The following ADAMTS20 variants were observed in gnomAD, a reference collection of about 807,000 sequenced individuals.
ADAMTS20 encodes A disintegrin and metalloproteinase with thrombospondin motifs 20.
In ADAMTS20, 225 loss-of-function variants were observed where a neutral mutation model predicts 260.1. That is an observed-to-expected ratio of 0.87 (90% confidence interval 0.78 to 0.97). ADAMTS20 has a LOEUF of 0.97. Among genes scored for constraint, ADAMTS20 ranks in the 50% least tolerant of loss-of-function variants. The pLI is 0.00. For missense variants in ADAMTS20, 2,400 were observed against 2,337.7 expected, an observed-to-expected ratio of 1.03 and a Z score of -0.55; for synonymous variants, 802 against 769.5, an observed-to-expected ratio of 1.04 and a Z score of -0.70.
intron 16 of ADAMTS20, among the ~76,000 whole-genome samples, chr12:43,441,393 A>G (rs1941663473): frequency 6.6e-6 from 1 of 152,036 alleles, no homozygotes; most frequent in Admixed American, 6.6e-5. Context: ...TTTTAAATAT[A>G]AAATTACATG....
intron 3 of ADAMTS20, among the ~76,000 whole-genome samples, chr12:43,514,304 C>T (rs1942967545): frequency 6.6e-6 from 1 of 151,610 alleles, no homozygotes; most frequent in Non-Finnish European, 1.5e-5. Flanking sequence ...ATGGCTCACG[C>T]CTGTAATCCC....
intron 2 of ADAMTS20, among the ~76,000 whole-genome samples, chr12:43,539,975 C>T (rs938861098): frequency 1.3e-5 from 2 of 152,086 alleles, no homozygotes; most frequent in Admixed American, 6.5e-5. Flanking sequence ...CTCCACCTCC[C>T]GGGTTCAAGT....
intron 7 of ADAMTS20, among the ~76,000 whole-genome samples, chr12:43,470,017 A>G (rs1297545371): frequency 6.6e-6 from 1 of 152,208 alleles, no homozygotes; most frequent in Non-Finnish European, 1.5e-5. Context: ...AAGGAAGACT[A>G]AAATCAAGCA....
intron 7 of ADAMTS20, among the ~76,000 whole-genome samples, chr12:43,469,583 T>G (rs553146023): frequency 1.3e-5 from 2 of 152,260 alleles, no homozygotes; most frequent in Admixed American, 1.3e-4. Flanking sequence ...TCAATTTGGT[T>G]GTAAATTTAT....
intron 28 of ADAMTS20, among the ~76,000 whole-genome samples, chr12:43,424,358 C>T (rs1387211165): frequency 6.6e-6 from 1 of 151,958 alleles, no homozygotes; most frequent in Non-Finnish European, 1.5e-5. Context: ...TTGTCTATGG[C>T]TCCAATAAAA....
chr12:43,482,802 A>C (rs143537052), intron 7 of ADAMTS20, among the ~76,000 whole-genome samples: 2,281 of 152,118 alleles, frequency 0.015, 53 homozygotes, highest in African/African-American at 0.051. Flanking sequence ...CACAAATTCC[A>C]CTGCTACCAC....
chr12:43,456,662 C>T (rs1941969238), intron 11 of ADAMTS20, among the ~76,000 whole-genome samples: 1 of 152,182 alleles, frequency 6.6e-6, no homozygotes, highest in African/African-American at 2.4e-5. Flanking sequence ...CAAGAGCACA[C>T]CTGGACAGGG....
intron 2 of ADAMTS20, among the ~76,000 whole-genome samples, chr12:43,538,270 G>A (rs1031951748): frequency 6.6e-6 from 1 of 152,170 alleles, no homozygotes; most frequent in African/African-American, 2.4e-5. Context: ...GATGATCAAT[G>A]ATGTTGAGCA....
chr12:43,374,362 A>C (rs1016996185), intron 36 of ADAMTS20, among the ~76,000 whole-genome samples: 1 of 152,174 alleles, frequency 6.6e-6, no homozygotes, highest in East Asian at 1.9e-4. Flanking sequence ...TGATGATTCA[A>C]TGGCAATTGA....
intron 29 of ADAMTS20, among the ~76,000 whole-genome samples, chr12:43,388,921 T>G (rs933083989): frequency 1.3e-5 from 2 of 152,192 alleles, no homozygotes; most frequent in African/African-American, 4.8e-5. Context: ...TGTTCTCATA[T>G]GGAGGAAGGG....
At chr12:43,456,942 G>C (rs1941975315) in intron 11 of ADAMTS20, among the ~76,000 whole-genome samples, 1 of 152,160 alleles carries the variant, frequency 6.6e-6, no homozygotes, top group African/African-American at 2.4e-5. Flanking sequence ...ACTGAAACTA[G>C]AGACAAGGAG....
chr12:43,369,249 T>C (rs1304727378), intron 37 of ADAMTS20, 41 bp downstream of exon 37: 1 of 1,267,928 alleles, frequency 7.9e-7, no homozygotes, highest in Non-Finnish European at 1.0e-6. Context: ...CTATAATTTT[T>C]TTCACAAAGA....
chr12:43,425,824 G>A (rs376496552), intron 27 of ADAMTS20, 134 bp from the exon 28 acceptor site: 1 of 542,720 alleles, frequency 1.8e-6, no homozygotes, highest in East Asian at 3.4e-5. Flanking sequence ...CTCTAGTAAT[G>A]TTACTCTAGT....
intron 28 of ADAMTS20, among the ~76,000 whole-genome samples, chr12:43,404,067 A>C (rs538187278): frequency 6.6e-6 from 1 of 152,100 alleles, no homozygotes; most frequent in East Asian, 1.9e-4. Flanking sequence ...TAGGGTTCTT[A>C]CAGAATTTTT....
chr12:43,448,486 C>G (rs1026442257), intron 14 of ADAMTS20, among the ~76,000 whole-genome samples: 1 of 151,996 alleles, frequency 6.6e-6, no homozygotes. Context: ...ATAAAAAAAT[C>G]AACTCATGAT....
intron 6 of ADAMTS20, among the ~76,000 whole-genome samples, 191 bp from the exon 7 acceptor site, chr12:43,490,626 C>T (rs1385665369): frequency 1.3e-5 from 2 of 152,030 alleles, no homozygotes; most frequent in African/African-American, 4.8e-5. Context: ...ATAAGCAATA[C>T]GTACTATAAA....
intron 3 of ADAMTS20, among the ~76,000 whole-genome samples, chr12:43,502,886 C>T (rs1168767787): frequency 6.6e-6 from 1 of 151,950 alleles, no homozygotes; most frequent in African/African-American, 2.4e-5. Flanking sequence ...GCACCAAGAA[C>T]AACAGAAAAT....
At chr12:43,397,868 T>C (rs768923045) in intron 29 of ADAMTS20, among the ~76,000 whole-genome samples, 2 of 152,118 alleles carry the variant, frequency 1.3e-5, no homozygotes, top group Non-Finnish European at 2.9e-5. Context: ...ACAAAGAAAT[T>C]TGAGATTTTT....
chr12:43,471,138 G>T (rs1012158624), intron 7 of ADAMTS20, among the ~76,000 whole-genome samples: 1 of 152,034 alleles, frequency 6.6e-6, no homozygotes, highest in Admixed American at 6.5e-5. Context: ...CGCACCGTGC[G>T]AGAGCCGAAG....
Sources: gnomAD v4.1 joint callset for allele counts (sites outside exome capture counted in the v4.1 genomes callset) on GRCh38, gnomAD v4.1.1 for gene constraint, MANE v1.5 for transcripts, NCBI Gene and HGNC (gene_info 2026-07-23, HGNC 2026-07-21) for gene names.